Variants in RTN4 observed in about 807,000 individuals in gnomAD.
The protein encoded by RTN4 is reticulon 4, also known as reticulon-4.
In RTN4, 32 loss-of-function variants were observed where a neutral mutation model predicts 90.4. The observed-to-expected ratio is 0.35, with a 90% CI of 0.27 to 0.48. The LOEUF (loss-of-function observed/expected upper bound fraction) is 0.48, where lower values mean the gene tolerates loss of function less well. Ranked by LOEUF, RTN4 falls within the 20% of genes least tolerant of loss-of-function variation. The pLI is 0.99. For synonymous variants in RTN4, 629 were observed against 552.5 expected (o/e 1.14, Z -1.94); for missense variants, 1,706 against 1,430.2 (o/e 1.19, Z -3.11).
At chr2:55,021,391 G>GC (rs150666573) in intron 3 of RTN4, among the ~76,000 whole-genome samples, 20,114 of 143,172 alleles carry the variant, frequency 0.14, 2,179 homozygotes, top group African/African-American at 0.3. Context: ...CTTTTTCCCT[G>GC]CCCCCCCCGC....
At chr2:55,134,171 T>A in the RTN4 span, among the ~76,000 whole-genome samples, 3 of 152,156 alleles carry the variant, frequency 2.0e-5, no homozygotes, top group Admixed American at 2.0e-4. Context: ...AATTAGTGTA[T>A]AACGAGCAGA....
At chr2:55,071,910 A>G (rs1668521158) in intron 2 of RTN4, among the ~76,000 whole-genome samples, 2 of 152,230 alleles carry the variant, frequency 1.3e-5, no homozygotes, top group African/African-American at 4.8e-5. Context: ...TTGGAACCCC[A>G]AAGAGATTCC....
intron 1 of RTN4, among the ~76,000 whole-genome samples, chr2:55,037,000 T>A (rs939396310): frequency 6.6e-6 from 1 of 152,144 alleles, no homozygotes; most frequent in African/African-American, 2.4e-5. Flanking sequence ...GGATTCAAAA[T>A]AAAATAACCC....
chr2:55,017,295 T>G (rs1681111820), intron 3 of RTN4, among the ~76,000 whole-genome samples: 1 of 152,158 alleles, frequency 6.6e-6, no homozygotes, highest in South Asian at 2.1e-4. Context: ...GAAAAATATT[T>G]TAAGTCGTAA....
At chr2:55,082,652 C>A (rs1668743172) in intron 1 of RTN4, among the ~76,000 whole-genome samples, 1 of 152,162 alleles carries the variant, frequency 6.6e-6, no homozygotes, top group South Asian at 2.1e-4. Flanking sequence ...GCATCATAAA[C>A]CATGGTAGGT....
the RTN4 span, among the ~76,000 whole-genome samples, chr2:55,126,456 C>T: frequency 1.3e-5 from 2 of 151,674 alleles, no homozygotes; most frequent in Non-Finnish European, 2.9e-5. Context: ...TAGAGAAATG[C>T]AAATCAAAAC....
In RTN4 at chr2:55,049,935, C is replaced by A. The variant is rs1483366268; in HGVS notation, c.366G>T (p.Pro122=). 2.8e-5 allele frequency: 37 copies of A among 1,343,326 alleles called. No homozygotes were observed. Among genetic ancestry groups the A allele is most frequent in the Admixed American group, 8.2e-5 (2 of 24,444 alleles). 83.2% of individuals were successfully genotyped at this position (1,343,326 alleles called of 1,614,324 possible). ...PVSSTVPAPS[P]LSAAAVSPSK... is the part of the protein sequence containing the mutation. The stretch of plus-strand genomic sequence containing the variant: ...AGGGCGAGACTGCGGCAGCAGACAG[C>A]GGGGATGGCGCGGGCACGGTCGACG... The change falls in exon 1 of 9, where the codon CCG becomes CCT. Residue 122 remains proline (P), a synonymous_variant. Transcript: ENST00000337526.
At chr2:55,116,963 T>G (rs879426483), upstream of RTN4, among the ~76,000 whole-genome samples, 1 of 140,924 alleles carries the variant, frequency 7.1e-6, no homozygotes, top group Non-Finnish European at 1.5e-5. Flanking sequence ...AACCTCCACC[T>G]CCTGGGTTCA....
intron 3 of RTN4, among the ~76,000 whole-genome samples, chr2:55,011,966 G>T (rs1209590549): frequency 1.3e-5 from 2 of 152,124 alleles, no homozygotes; most frequent in Non-Finnish European, 2.9e-5. Context: ...GAAAATGTCT[G>T]GCCTCTCCAC....
chr2:55,060,681 G>A (rs761534834), intron 2 of RTN4: 1 of 152,270 alleles, frequency 6.6e-6, no homozygotes, highest in Non-Finnish European at 1.5e-5. Flanking sequence ...AGCACGTTGG[G>A]AGGCCAAGGC....
At chr2:54,976,484 G>A (rs1264559451) in intron 5 of RTN4, among the ~76,000 whole-genome samples, 2 of 152,210 alleles carry the variant, frequency 1.3e-5, no homozygotes, top group East Asian at 3.8e-4. Flanking sequence ...TCTCAAAGGG[G>A]CACTTACAAC....
At chr2:54,993,510 C>G (rs1311052574) in intron 3 of RTN4, among the ~76,000 whole-genome samples, 1 of 152,214 alleles carries the variant, frequency 6.6e-6, no homozygotes, top group Non-Finnish European at 1.5e-5. Context: ...TAAGGCCCAG[C>G]AGTACTCAAT....
At chr2:55,126,301 A>G in the RTN4 span, among the ~76,000 whole-genome samples, 4 of 152,118 alleles carry the variant, frequency 2.6e-5, no homozygotes, top group East Asian at 7.7e-4. Flanking sequence ...CCTGGGAGGC[A>G]GAGGTTATGA....
In RTN4 at chr2:55,102,585, A is replaced by C. The variant is rs75771778; in HGVS notation, c.-214+9935T>G. Among the ~76,000 whole-genome samples the C allele has an allele frequency of 5.0e-3, 762 of 152,168 alleles. 11 individuals are homozygous for C. The highest frequency in any genetic ancestry group is 0.017 in the African/African-American group (725 of 41,462). On this transcript the variant is annotated intron_variant, in intron 1 of 3. Coordinates refer to the RTN4 transcript ENST00000427710. ...TCGTCCTTAGTTGGCAGACCTCACA[A>C]GAATCTGGTGGCTGATTGGACTTGA...
chr2:55,067,172 T>C (rs930309059), intron 2 of RTN4, among the ~76,000 whole-genome samples: 7 of 152,188 alleles, frequency 4.6e-5, no homozygotes, highest in Non-Finnish European at 8.8e-5. Flanking sequence ...TGTCACTGGC[T>C]CTCTGACGTA....
Position 55,026,865 on chromosome 2 carries a change from T to C in RTN4, c.1234A>G (p.Ile412Val). The change falls in exon 3 of 9, where the codon ATC becomes GTC. Residue 412 changes from isoleucine to valine, a missense_variant. Coordinates refer to ENST00000337526, the MANE Select transcript of RTN4 (RefSeq NM_020532.5). ...ACTTTACTTTCCAAGTTGCTCTCGA[T>C]TTTACCTCCAGCAGCCAACATATCA... ...DSDMLAAGGK[I>V]ESNLESKVDK... The C allele has an allele frequency of 6.2e-7, 1 of 1,613,892 alleles. No homozygotes were observed. Among genetic ancestry groups the C allele is most frequent in the Non-Finnish European group, 8.5e-7 (1 of 1,179,884 alleles).
At chr2:55,014,150 C>T (rs1680854715) in intron 3 of RTN4, among the ~76,000 whole-genome samples, 1 of 152,126 alleles carries the variant, frequency 6.6e-6, no homozygotes, top group African/African-American at 2.4e-5. Context: ...GACTAAATTA[C>T]AGCACTTCAA....
chr2:55,051,047 C>G (rs764909628), upstream of RTN4, among the ~76,000 whole-genome samples: 7 of 152,190 alleles, frequency 4.6e-5, no homozygotes, highest in Admixed American at 2.6e-4. Context: ...TTTGTTCACT[C>G]AAAGTTCCAA....
the RTN4 span, among the ~76,000 whole-genome samples, chr2:55,123,501 ATTT>A: frequency 6.6e-6 from 1 of 152,130 alleles, no homozygotes; most frequent in Non-Finnish European, 1.5e-5. Flanking sequence ...GAGATCTTGT[ATTT>A]GCCAAAAATG....
Sources: gnomAD v4.1 joint callset for allele counts (sites outside exome capture counted in the v4.1 genomes callset) on GRCh38, gnomAD v4.1.1 for gene constraint, MANE v1.5 for transcripts, NCBI Gene and HGNC (gene_info 2026-07-23, HGNC 2026-07-21) for gene names.